The following AP3B1 variants were observed in gnomAD, a reference collection of about 807,000 sequenced individuals.
AP3B1 encodes the protein adaptor related protein complex 3 subunit beta 1.
Under a neutral mutation model 132.5 loss-of-function variants are expected in AP3B1, and 61 were observed. The observed-to-expected ratio is 0.46, with a 90% CI of 0.37 to 0.57. The LOEUF (loss-of-function observed/expected upper bound fraction) is 0.57. Among genes scored for constraint, AP3B1 ranks in the 20% least tolerant of loss-of-function variants. AP3B1 has a pLI of 0.00. For synonymous variants in AP3B1, 388 were observed against 438.3 expected, an observed-to-expected ratio of 0.89 and a Z score of 1.43; for missense variants, 1,120 against 1,289.4, an observed-to-expected ratio of 0.87 and a Z score of 2.01.
chr5:78,158,757 C>A (rs1299031684), intron 13 of AP3B1, among the ~76,000 whole-genome samples: 1 of 150,934 alleles, frequency 6.6e-6, no homozygotes, highest in East Asian at 2.0e-4. Context: ...AGTGCAGTGG[C>A]GCAATCTCGG....
At chr5:78,288,573 C>A (rs529812109) in intron 1 of AP3B1, among the ~76,000 whole-genome samples, 1 of 152,256 alleles carries the variant, frequency 6.6e-6, no homozygotes, top group South Asian at 2.1e-4. Context: ...AATGGAGATA[C>A]CAGATGAGGG....
chr5:78,268,742 T>G (rs1260949395), intron 1 of AP3B1, among the ~76,000 whole-genome samples: 1 of 152,084 alleles, frequency 6.6e-6, no homozygotes, highest in Non-Finnish European at 1.5e-5. Flanking sequence ...ATCTCAATAT[T>G]AAAGATAAAG....
chr5:78,177,044 C>A (rs1380061390), intron 9 of AP3B1, among the ~76,000 whole-genome samples: 3 of 152,116 alleles, frequency 2.0e-5, no homozygotes, highest in Non-Finnish European at 4.4e-5. Flanking sequence ...ATCATTATTG[C>A]CATACCTAAA....
At chr5:78,053,085 G>A (rs766399624) in intron 22 of AP3B1, among the ~76,000 whole-genome samples, 15 of 152,156 alleles carry the variant, frequency 9.9e-5, no homozygotes, top group Non-Finnish European at 1.5e-4. Context: ...TGATAATTAC[G>A]TGATCTTAGC....
chr5:78,218,488 C>T (rs1746049390), intron 6 of AP3B1, among the ~76,000 whole-genome samples: 1 of 152,060 alleles, frequency 6.6e-6, no homozygotes, highest in Admixed American at 6.6e-5. Context: ...TTTTTCTGTG[C>T]TGTTGCTATG....
rs78688327 is a variant in AP3B1 at position 78,176,002 on chromosome 5, C to T, written c.1041-164G>A. Among the ~76,000 whole-genome samples the T allele has an allele frequency of 0.031, 4,657 of 152,142 alleles. 238 individuals carry two copies. The highest frequency in any genetic ancestry group is 0.1 in the African/African-American group (4,303 of 41,504). ...AAATCTTAGATGTGTGTCTTTTTAA[C>T]GCACTTTTCCTATAAAATACCAATA... On this transcript the variant is annotated intron_variant, in intron 9 of 26. Transcript: ENST00000255194.
In AP3B1 at chr5:78,096,609, G is replaced by A. The variant is rs1482300573; in HGVS notation, c.2470+4344C>T. On this transcript the variant is annotated intron_variant, in intron 21 of 26. Transcript: ENST00000255194. ...GCCCATCGTCTGAGATGTGGGGAGCGCCTTTGCCCCGCCGCCCCATCTGGG... is the reference window on the plus strand; with the variant it reads ...GCCCATCGTCTGAGATGTGGGGAGCACCTTTGCCCCGCCGCCCCATCTGGG... Among the ~76,000 whole-genome samples the A allele has an allele frequency of 6.5e-4, 98 of 150,460 alleles. 1 individual carries two copies. The highest frequency in any genetic ancestry group is 3.4e-3 in the Middle Eastern group (1 of 292).
At chr5:78,046,457 T>C (rs1435047779) in intron 22 of AP3B1, among the ~76,000 whole-genome samples, 1 of 152,140 alleles carries the variant, frequency 6.6e-6, no homozygotes, top group African/African-American at 2.4e-5. Flanking sequence ...ACAAAACGGG[T>C]CCCTGGTGCC....
chr5:78,239,164 G>A (rs1171479922), intron 3 of AP3B1, among the ~76,000 whole-genome samples: 1 of 151,770 alleles, frequency 6.6e-6, no homozygotes, highest in Non-Finnish European at 1.5e-5. Context: ...TAAATTAAGG[G>A]GAAAAATAAA....
At chr5:78,173,992 CATGT>C (rs1744036233) in intron 11 of AP3B1, among the ~76,000 whole-genome samples, 1 of 152,164 alleles carries the variant, frequency 6.6e-6, no homozygotes, top group African/African-American at 2.4e-5. Context: ...GAAGCTTGTG[CATGT>C]GTCACAAAGC....
chr5:78,162,520 A>G (rs1192336172), intron 13 of AP3B1, among the ~76,000 whole-genome samples: 1 of 152,158 alleles, frequency 6.6e-6, no homozygotes, highest in Non-Finnish European at 1.5e-5. Context: ...TGCAGTAAAA[A>G]GGTGGAAAAG....
intron 11 of AP3B1, among the ~76,000 whole-genome samples, chr5:78,173,180 T>C (rs936023136): frequency 1.3e-5 from 2 of 152,224 alleles, no homozygotes; most frequent in African/African-American, 2.4e-5. Context: ...CTTCCAACTA[T>C]GTGGTCAATT....
intron 22 of AP3B1, among the ~76,000 whole-genome samples, chr5:78,082,799 T>C (rs1750071892): frequency 6.6e-6 from 1 of 152,120 alleles, no homozygotes; most frequent in South Asian, 2.1e-4. Context: ...TATTATGACA[T>C]TTGGGGATTG....
intron 24 of AP3B1, among the ~76,000 whole-genome samples, chr5:78,032,748 T>G (rs566949027): frequency 6.6e-6 from 1 of 152,096 alleles, no homozygotes; most frequent in African/African-American, 2.4e-5. Flanking sequence ...AATAAATAAT[T>G]TGTATCTTTA....
rs553329429 is a variant in AP3B1 at position 78,278,342 on chromosome 5, AG to A, written c.129-10748del. Among the ~76,000 whole-genome samples, 107 of 152,178 alleles carry A rather than the reference AG, an allele frequency of 7.0e-4. 4 individuals carry two copies. The highest frequency in any genetic ancestry group is 2.4e-3 in the African/African-American group (98 of 41,520). ...GAAATCAATCAAATGCCCCTCCAAA[AG>A]GGGACTAATTCTTTGGGAGGCCGAG... On this transcript the variant is annotated intron_variant, in intron 1 of 26. Coordinates refer to ENST00000255194, the MANE Select transcript of AP3B1 (RefSeq NM_003664.5).
intron 7 of AP3B1, among the ~76,000 whole-genome samples, chr5:78,192,287 G>T (rs1744874015): frequency 6.6e-6 from 1 of 152,086 alleles, no homozygotes; most frequent in Non-Finnish European, 1.5e-5. Flanking sequence ...GAATTTGGCA[G>T]ATGTAATTTT....
intron 2 of AP3B1, among the ~76,000 whole-genome samples, chr5:78,251,551 T>C (rs1216281026): frequency 1.3e-5 from 2 of 152,090 alleles, no homozygotes; most frequent in East Asian, 1.9e-4. Context: ...AACACTGCAA[T>C]TGTGAGGCAC....
rs974204634 is a variant in AP3B1, at chr5:78,231,163, T to G, written c.280-2924A>C. On this transcript the variant is annotated intron_variant, in intron 3 of 26. Coordinates refer to ENST00000255194, the MANE Select transcript of AP3B1 (RefSeq NM_003664.5). ...AAAGAAAATATGTCCTTGAAAAAGG[T>G]TTTTTGTTTGTTTGTTTTTTGTTTT... is the stretch of plus-strand genomic sequence containing the variant. Among the ~76,000 whole-genome samples, 59 of 151,586 alleles carry G rather than the reference T, an allele frequency of 3.9e-4. 1 individual carries two copies. The highest frequency in any genetic ancestry group is 7.4e-5 in the Non-Finnish European group (5 of 67,882).
chr5:78,012,183 T>C (rs995928761), intron 26 of AP3B1, among the ~76,000 whole-genome samples: 4 of 151,870 alleles, frequency 2.6e-5, no homozygotes, highest in Non-Finnish European at 5.9e-5. Flanking sequence ...AACTTAGATA[T>C]AGAAATGTAT....
Sources: gnomAD v4.1 joint callset for allele counts (sites outside exome capture counted in the v4.1 genomes callset) on GRCh38, gnomAD v4.1.1 for gene constraint, MANE v1.5 for transcripts, NCBI Gene and HGNC (gene_info 2026-07-23, HGNC 2026-07-21) for gene names.